Variants in LONP1 observed in about 807,000 individuals in gnomAD.
LONP1 encodes lon protease homolog, mitochondrial.
LONP1 carries 31 observed loss-of-function variants against 98.5 expected under a neutral mutation model. That is an observed-to-expected ratio of 0.31 (90% confidence interval 0.24 to 0.42). The LOEUF (loss-of-function observed/expected upper bound fraction) is 0.42. LONP1 is among the 20% of genes least tolerant of loss of function. LONP1 has a pLI of 1.00. For missense variants in LONP1, 1,336 were observed against 1,350.6 expected (o/e 0.99, Z 0.17); for synonymous variants, 781 against 594.7 (o/e 1.31, Z -4.56).
intron 3 of LONP1, 125 bp downstream of exon 3, chr19:5,713,009 G>A: frequency 7.5e-7 from 1 of 1,339,994 alleles, no homozygotes; most frequent in Non-Finnish European, 1.0e-6. Context: ...TGGCCTCAGT[G>A]CTAGTGAGAA....
upstream of LONP1, chr19:5,720,231 T>C: frequency 2.9e-6 from 4 of 1,376,126 alleles, no homozygotes; most frequent in Non-Finnish European, 3.7e-6. Context: ...GATGGGCGCG[T>C]GGCTCGAAAC....
rs1380115498 is a variant in LONP1, at chr19:5,699,188, G to A, written c.1524C>T (p.Ser508=). 1.3e-6 allele frequency: 2 copies of A among 1,506,546 alleles called. No homozygotes were observed. Among genetic ancestry groups the A allele is most frequent in the East Asian group, 2.4e-5 (1 of 40,838 alleles). The allele number at this position is 1,506,546 out of a possible 1,614,324, so 93.3% of individuals were successfully genotyped here. The change falls in exon 10 of 18, where the codon AGC becomes AGT. Residue 508 remains serine, a synonymous_variant. Coordinates refer to ENST00000360614, the MANE Select transcript of LONP1 (RefSeq NM_004793.4). ...TGCCCTGGGTGGAGCCGCGGAGCTG[G>A]CTAACGGCAATGAACTCCTGCAGAC... The part of the protein sequence containing the change: ...KKRILEFIAV[S]QLRGSTQGKI...
intron 8 of LONP1, among the ~76,000 whole-genome samples, chr19:5,702,250 GT>G (rs567156582): frequency 0.017 from 1,441 of 84,494 alleles, 39 homozygotes; most frequent in Non-Finnish European, 0.022. Context: ...TGGGAGGGAG[GT>G]TGGGGGGGGG....
chr19:5,701,486 A>G (rs2055042651), intron 8 of LONP1, among the ~76,000 whole-genome samples: 1 of 151,970 alleles, frequency 6.6e-6, no homozygotes, highest in Non-Finnish European at 1.5e-5. Flanking sequence ...GCGCGCCGCC[A>G]CGCCTGACTG....
In LONP1 at chr19:5,711,803, G is replaced by C; in HGVS notation, c.838C>G (p.His280Asp). Residue 280 changes from histidine to aspartate, a missense_variant, in exon 4 of 18, where the codon CAC becomes GAC. This residue lies in a region of LONP1 where 457 missense variants were observed against 403.1 expected (regional missense o/e 1.13). Coordinates refer to ENST00000360614, the MANE Select transcript of LONP1 (RefSeq NM_004793.4). ...TCCTCCGTGACCTGGAAGTCCTCGT[G>C]GACAACGTTCTCTACCTCCACCATG... is the stretch of plus-strand genomic sequence containing the variant. ...VLMVEVENVV[H>D]EDFQVTEEVK... The C allele has an allele frequency of 6.2e-7, 1 of 1,611,438 alleles. No homozygotes were observed. Among genetic ancestry groups the C allele is most frequent in the Non-Finnish European group, 8.5e-7 (1 of 1,178,846 alleles).
rs1312348908 is a variant in LONP1 at position 5,720,093 on chromosome 19, C to T, written c.40G>A (p.Ala14Thr). Residue 14 changes from alanine (A) to threonine (T), a missense_variant, in exon 1 of 18, where the codon GCG (alanine) becomes ACG (threonine). Transcript: ENST00000360614. Reference sequence around the variant, plus strand: ...GGCCGCCGCAGCACCCAGCACCGCGCCGCTCCCCACAGTCGCACGTAGCCA... The same window carrying T: ...GGCCGCCGCAGCACCCAGCACCGCGTCGCTCCCCACAGTCGCACGTAGCCA... ...STGYVRLWGA[A>T]RCWVLRRPML... The T allele has an allele frequency of 2.7e-6, 4 of 1,481,950 alleles. No homozygotes were observed. The highest frequency in any genetic ancestry group is 2.6e-5 in the Admixed American group (1 of 37,812). The allele number at this position is 1,481,950 out of a possible 1,614,324, so 91.8% of individuals were successfully genotyped here.
chr19:5,695,080 G>A lies in LONP1; in HGVS notation c.2014-179C>T, dbSNP rs796536146. On this transcript the variant is annotated intron_variant, in intron 13 of 17. Coordinates refer to ENST00000360614, the MANE Select transcript of LONP1 (RefSeq NM_004793.4). The stretch of plus-strand genomic sequence containing the variant: ...CCACCCACCATGCCCAGAGGCCCCA[G>A]GCCTTTGCTTGTGCTGCGTCCTCTG... Among the ~76,000 whole-genome samples the A allele has an allele frequency of 3.9e-5, 6 of 152,156 alleles. 1 individual carries two copies. Among genetic ancestry groups the A allele is most frequent in the African/African-American group, 1.4e-4 (6 of 41,522 alleles).
chr19:5,702,469 T>C lies in LONP1; in HGVS notation c.1368-1542A>G, dbSNP rs1412157427. Among the ~76,000 whole-genome samples the C allele has an allele frequency of 1.5e-3, 198 of 133,550 alleles. No homozygotes were observed. In the Middle Eastern group the frequency reaches 0.02, roughly 14 times the overall value. 87.6% of individuals were successfully genotyped at this position (133,550 alleles called of 152,430 possible). On this transcript the variant is annotated intron_variant, in intron 8 of 17. Coordinates refer to ENST00000360614, the MANE Select transcript of LONP1 (RefSeq NM_004793.4). ...CCTCTGCCTGGCCAGCCGCCCCCTC[T>C]GGGAGGGAGGAGTGGGGGTCAGCCC...
intron 17 of LONP1, among the ~76,000 whole-genome samples, chr19:5,692,811 G>A (rs985059180): frequency 1.6e-4 from 24 of 152,100 alleles, no homozygotes; most frequent in Admixed American, 1.5e-3. Context: ...TGCCTCCCTC[G>A]TGGTGGCATC....
At chr19:5,700,581 C>T (rs978551990) in intron 9 of LONP1, among the ~76,000 whole-genome samples, 3 of 152,226 alleles carry the variant, frequency 2.0e-5, no homozygotes, top group African/African-American at 2.4e-5. Context: ...ATGCCCGGCC[C>T]GTCAGGCATG....
chr19:5,694,301 A>G, intron 15 of LONP1, 86 bp downstream of exon 15: 1 of 1,541,782 alleles, frequency 6.5e-7, no homozygotes, highest in Non-Finnish European at 8.8e-7. Context: ...CCTGAGGCCC[A>G]CTGCACAGGT....
At chr19:5,701,941 C>T (rs557455723) in intron 8 of LONP1, among the ~76,000 whole-genome samples, 14 of 151,120 alleles carry the variant, frequency 9.3e-5, no homozygotes, top group East Asian at 3.9e-4. Flanking sequence ...TGCCCGGCCG[C>T]GACCCCGTCT....
intron 4 of LONP1, among the ~76,000 whole-genome samples, chr19:5,710,906 A>G (rs2055226277): frequency 6.6e-6 from 1 of 152,054 alleles, no homozygotes; most frequent in Non-Finnish European, 1.5e-5. Flanking sequence ...CGTGCCTGCA[A>G]TCCCAGTTAC....
chr19:5,715,426 A>G (rs1484906164), intron 1 of LONP1, among the ~76,000 whole-genome samples: 8 of 150,464 alleles, frequency 5.3e-5, no homozygotes, highest in Non-Finnish European at 8.9e-5. Context: ...GGCAGATCAC[A>G]AGGTCAGGAG....
At chr19:5,701,935 C>T (rs1273171137) in intron 8 of LONP1, among the ~76,000 whole-genome samples, 4 of 151,676 alleles carry the variant, frequency 2.6e-5, no homozygotes, top group Non-Finnish European at 4.4e-5. Context: ...CGCCTCTGCC[C>T]GGCCGCGACC....
chr19:5,705,757 G>A lies in LONP1; in HGVS notation c.1367+15C>T, dbSNP rs146323381. Reference sequence around the variant, plus strand: ...GGTCACCTGAGGGCTGGGCCGCCCCGGGCCTGGCACTCACTTGAACTCCGA... The same window carrying A: ...GGTCACCTGAGGGCTGGGCCGCCCCAGGCCTGGCACTCACTTGAACTCCGA... On this transcript the variant is annotated intron_variant, in intron 8 of 17. Transcript: ENST00000360614. The A allele has an allele frequency of 6.0e-5, 96 of 1,612,580 alleles. No individual in the cohort carries two copies. The highest frequency in any genetic ancestry group is 4.5e-4 in the African/African-American group (34 of 75,056).
In LONP1 at chr19:5,712,013, A is replaced by T. The variant is rs372889086; in HGVS notation, c.639-11T>A. ...CTGCTGATATGGACTCTGACACGGG[A>T]GCAAGGCAGGTGTGAATCAGCCGCT... is the stretch of plus-strand genomic sequence containing the variant. On this transcript the variant is annotated splice_polypyrimidine_tract_variant and intron_variant, in intron 3 of 17. Transcript: ENST00000360614. 1 of 1,606,788 alleles carries T rather than the reference A, an allele frequency of 6.2e-7. No homozygotes were observed. Among genetic ancestry groups the T allele is most frequent in the Non-Finnish European group, 8.5e-7 (1 of 1,175,654 alleles).
intron 8 of LONP1, among the ~76,000 whole-genome samples, chr19:5,701,347 CTTTCCCTCTTTCCATGGTCTCCCT>C (rs1329300483): frequency 6.6e-6 from 1 of 152,112 alleles, no homozygotes; most frequent in Non-Finnish European, 1.5e-5. Context: ...ACGGTCTCCC[CTTTCCCTCTTTCCATGGTCTCCCT>C]CTGATGCCGA....
At chr19:5,718,477 CAA>C (rs368724850) in intron 1 of LONP1, among the ~76,000 whole-genome samples, 97 of 100,882 alleles carry the variant, frequency 9.6e-4, no homozygotes, top group Middle Eastern at 0.01. Flanking sequence ...AACTTGGTCT[CAA>C]AAAAAAAAAA....
Sources: allele counts gnomAD v4.1 joint callset (sites outside exome capture counted in the v4.1 genomes callset), GRCh38; gene constraint gnomAD v4.1.1; regional missense constraint gnomAD v4.1.1; transcripts MANE v1.5; gene names NCBI Gene and HGNC (gene_info 2026-07-23, HGNC 2026-07-21).